TEX9: variants seen among roughly 807,000 people sequenced by gnomAD.
TEX9 encodes the protein testis expressed 9, also known as testis-expressed protein 9.
TEX9 carries 74 observed loss-of-function variants against 59.6 expected under a neutral mutation model. The observed-to-expected ratio is 1.24, with a 90% confidence interval of 1.03 to 1.51. The LOEUF is 1.51. TEX9 is among the 40% of genes most tolerant of loss of function. The pLI, the probability that TEX9 is intolerant of heterozygous loss-of-function variation, is 0.00. For synonymous variants in TEX9, 186 were observed against 152.2 expected (o/e 1.22, Z -1.64); for missense variants, 522 against 447.8 (o/e 1.17, Z -1.49).
At chr15:56,271,785 T>G (rs1046241298) in intron 1 of TEX9, among the ~76,000 whole-genome samples, 2 of 152,236 alleles carry the variant, frequency 1.3e-5, no homozygotes, top group East Asian at 3.9e-4. Flanking sequence ...GTCAAGTCTC[T>G]TTTTAATTAT....
At chr15:56,446,681 C>T (rs1160432844), downstream of TEX9, among the ~76,000 whole-genome samples, 1 of 151,918 alleles carries the variant, frequency 6.6e-6, no homozygotes, top group African/African-American at 2.4e-5. Flanking sequence ...AAAATGAAAT[C>T]ACGCAGGATT....
chr15:56,388,762 T>C (rs1359251533), intron 5 of TEX9, among the ~76,000 whole-genome samples: 2 of 152,066 alleles, frequency 1.3e-5, no homozygotes, highest in Non-Finnish European at 2.9e-5. Context: ...GAAATGACTT[T>C]GTAAACTGAG....
intron 4 of TEX9, among the ~76,000 whole-genome samples, chr15:56,385,669 A>G (rs1372290826): frequency 1.3e-5 from 2 of 151,886 alleles, no homozygotes; most frequent in Admixed American, 1.3e-4. Context: ...GAAGAAACCC[A>G]CTAGTTTGGG....
At chr15:56,245,409 G>A (rs2043826928) in intron 1 of TEX9, among the ~76,000 whole-genome samples, 2 of 152,202 alleles carry the variant, frequency 1.3e-5, no homozygotes, top group Non-Finnish European at 2.9e-5. Flanking sequence ...CATTGCACGA[G>A]TTGCATCACA....
chr15:56,259,794 T>A (rs185528420), intron 1 of TEX9, among the ~76,000 whole-genome samples: 7 of 152,194 alleles, frequency 4.6e-5, no homozygotes, highest in Non-Finnish European at 1.0e-4. Flanking sequence ...TTGACTGGGA[T>A]TGCATTGAAT....
At chr15:56,402,750 C>A (rs2142505745) in intron 9 of TEX9, among the ~76,000 whole-genome samples, 1 of 152,278 alleles carries the variant, frequency 6.6e-6, no homozygotes, top group Admixed American at 6.5e-5. Flanking sequence ...TACTGGCAAA[C>A]TGAATCCAGC....
At chr15:56,308,999 C>G (rs2045544189) in intron 1 of TEX9, among the ~76,000 whole-genome samples, 1 of 152,040 alleles carries the variant, frequency 6.6e-6, no homozygotes, top group South Asian at 2.1e-4. Context: ...CAACTTTGTT[C>G]TTTTTCAAGA....
intron 1 of TEX9, among the ~76,000 whole-genome samples, chr15:56,271,273 A>G (rs2044523299): frequency 6.6e-6 from 1 of 152,150 alleles, no homozygotes; most frequent in Admixed American, 6.5e-5. Flanking sequence ...CAGGTATACC[A>G]ATCAAACGTA....
chr15:56,362,188 T>C (rs551998057), upstream of TEX9, among the ~76,000 whole-genome samples: 9 of 152,336 alleles, frequency 5.9e-5, no homozygotes, highest in Admixed American at 2.0e-4. Context: ...GATGGTGCTG[T>C]CCAGAGCAAC....
At chr15:56,374,186 T>G (rs1219795500) in intron 3 of TEX9, 1 of 152,080 alleles carries the variant, frequency 6.6e-6, no homozygotes, top group East Asian at 1.9e-4. Flanking sequence ...AGGAAAATAC[T>G]TGTACAAAAG....
At chr15:56,390,256 A>G (rs2048145283) in intron 6 of TEX9, among the ~76,000 whole-genome samples, 1 of 152,028 alleles carries the variant, frequency 6.6e-6, no homozygotes, top group Non-Finnish European at 1.5e-5. Flanking sequence ...TTTTTCAAAT[A>G]GAATTCTGAA....
intron 12 of TEX9, among the ~76,000 whole-genome samples, chr15:56,433,141 A>AATCT (rs1231203758): frequency 1.3e-5 from 2 of 151,436 alleles, no homozygotes; most frequent in Non-Finnish European, 2.9e-5. Context: ...GCACCCTCAA[A>AATCT]ATCTATTTCT....
At chr15:56,412,952 C>T (rs1460124915) in intron 10 of TEX9, among the ~76,000 whole-genome samples, 2 of 152,028 alleles carry the variant, frequency 1.3e-5, no homozygotes, top group African/African-American at 4.8e-5. Flanking sequence ...GCACTTTTAA[C>T]AAGTTCCCAG....
intron 1 of TEX9, among the ~76,000 whole-genome samples, chr15:56,291,185 C>G (rs1267743244): frequency 6.6e-6 from 1 of 152,154 alleles, no homozygotes; most frequent in Non-Finnish European, 1.5e-5. Flanking sequence ...GATTGAGACC[C>G]TTTTCTAAAT....
intron 12 of TEX9, chr15:56,429,051 A>T (rs752488273): frequency 8.3e-7 from 1 of 1,201,848 alleles, no homozygotes; most frequent in South Asian, 1.4e-5. Context: ...TTATGCTGAC[A>T]TCTAGTGGTA....
At chr15:56,402,914 G>T (rs1252525089) in intron 9 of TEX9, among the ~76,000 whole-genome samples, 1 of 152,136 alleles carries the variant, frequency 6.6e-6, no homozygotes, top group Non-Finnish European at 1.5e-5. Context: ...TGCAGAAAAG[G>T]CCTTTGACAA....
chr15:56,338,444 C>T (rs2046301092), intron 1 of TEX9, among the ~76,000 whole-genome samples: 2 of 152,216 alleles, frequency 1.3e-5, no homozygotes. Context: ...TAGTGAATCT[C>T]ATGGTCACGG....
intron 1 of TEX9, among the ~76,000 whole-genome samples, chr15:56,252,146 G>A (rs1231033643): frequency 6.6e-6 from 1 of 151,960 alleles, no homozygotes; most frequent in African/African-American, 2.4e-5. Flanking sequence ...CTTTTCTGTG[G>A]CTCTGTGGTA....
intron 1 of TEX9, among the ~76,000 whole-genome samples, chr15:56,247,002 G>A (rs1019872957): frequency 4.6e-5 from 7 of 152,292 alleles, no homozygotes; most frequent in Non-Finnish European, 8.8e-5. Flanking sequence ...CACCTCAAAG[G>A]AAATGACTAT....
Sources: gnomAD v4.1 joint callset for allele counts (sites outside exome capture counted in the v4.1 genomes callset) on GRCh38, gnomAD v4.1.1 for gene constraint, MANE v1.5 for transcripts, NCBI Gene and HGNC (gene_info 2026-07-23, HGNC 2026-07-21) for gene names.